COL22A1: variants seen among roughly 807,000 people sequenced by gnomAD.
COL22A1 encodes the protein collagen type XXII alpha 1 chain.
A neutral mutation model predicts 248.9 loss-of-function variants in COL22A1; 221 were observed. The observed-to-expected ratio is 0.89, with a 90% CI of 0.80 to 0.99. The LOEUF is 0.99. COL22A1 is among the 50% of genes least tolerant of loss of function. The probability of loss-of-function intolerance (pLI) is 0.00; values close to 1 mark genes in which losing one functional copy is unlikely to be tolerated. For missense variants in COL22A1, 2,240 were observed against 2,179.0 expected (o/e 1.03, Z -0.56); for synonymous variants, 891 against 793.4 (o/e 1.12, Z -2.07).
chr8:138,761,892 A>G (rs1280872659), intron 17 of COL22A1, among the ~76,000 whole-genome samples: 4 of 152,152 alleles, frequency 2.6e-5, no homozygotes, highest in Non-Finnish European at 5.9e-5. Flanking sequence ...AAGTCACCAG[A>G]TGCATTTTCC....
chr8:138,771,236 T>C (rs908058272), intron 16 of COL22A1, among the ~76,000 whole-genome samples: 3 of 152,148 alleles, frequency 2.0e-5, no homozygotes, highest in Non-Finnish European at 4.4e-5. Context: ...TTCCTGAGCT[T>C]ACCCCAAAGG....
At chr8:138,881,659 T>C (rs534150750) in intron 2 of COL22A1, among the ~76,000 whole-genome samples, 1 of 152,260 alleles carries the variant, frequency 6.6e-6, no homozygotes, top group Non-Finnish European at 1.5e-5. Context: ...CACTCCAGCC[T>C]GGGCGACAGA....
intron 45 of COL22A1, among the ~76,000 whole-genome samples, chr8:138,651,342 T>C (rs1238998348): frequency 6.6e-6 from 1 of 152,236 alleles, no homozygotes; most frequent in Non-Finnish European, 1.5e-5. Context: ...TTATCTTTGC[T>C]TGCCAAATTC....
chr8:138,633,892 G>A (rs1469377102), intron 49 of COL22A1, among the ~76,000 whole-genome samples: 1 of 152,148 alleles, frequency 6.6e-6, no homozygotes, highest in African/African-American at 2.4e-5. Context: ...GGCAGAGTTG[G>A]GCCAGGTAAG....
chr8:138,642,463 G>C (rs1223663286), intron 47 of COL22A1, among the ~76,000 whole-genome samples: 1 of 152,170 alleles, frequency 6.6e-6, no homozygotes, highest in Admixed American at 6.5e-5. Flanking sequence ...CTCATGGTTG[G>C]AGTCACCATC....
At chr8:138,766,078 G>A (rs577359430) in intron 16 of COL22A1, among the ~76,000 whole-genome samples, 22 of 152,332 alleles carry the variant, frequency 1.4e-4, no homozygotes, top group African/African-American at 4.3e-4. Context: ...CCCTAAATCC[G>A]AGTGTGACAT....
At chr8:138,692,935 T>C (rs546952830) in intron 35 of COL22A1, among the ~76,000 whole-genome samples, 12 of 152,226 alleles carry the variant, frequency 7.9e-5, no homozygotes, top group Non-Finnish European at 1.8e-4. Flanking sequence ...ACCCTCTACC[T>C]GGTACAGGGC....
At chr8:138,605,795 T>C (rs911808110) in intron 58 of COL22A1, among the ~76,000 whole-genome samples, 11 of 152,200 alleles carry the variant, frequency 7.2e-5, no homozygotes, top group African/African-American at 2.7e-4. Flanking sequence ...AAGATTACCT[T>C]ACAGCTTCCC....
chr8:138,596,215 T>C (rs1429988622), intron 62 of COL22A1, among the ~76,000 whole-genome samples: 1 of 152,232 alleles, frequency 6.6e-6, no homozygotes, highest in Non-Finnish European at 1.5e-5. Context: ...AAGCATCTGC[T>C]ACGCACAGGC....
At chr8:138,862,759 G>GTTTTTTTTTTTTTT (rs55690333) in intron 3 of COL22A1, among the ~76,000 whole-genome samples, 1 of 145,792 alleles carries the variant, frequency 6.9e-6, no homozygotes, top group Non-Finnish European at 1.5e-5. Context: ...AAGATACAAG[G>GTTTTTTTTTTTTTT]TTTTTTTTTT....
chr8:138,612,791 A>G (rs578098646), intron 56 of COL22A1, among the ~76,000 whole-genome samples: 15 of 151,966 alleles, frequency 9.9e-5, no homozygotes, highest in African/African-American at 3.4e-4. Flanking sequence ...AAAAATAATC[A>G]GCGGCGTGGT....
rs761981157 is a variant in COL22A1 at position 138,635,059 on chromosome 8, T to C, written c.3560A>G (p.His1187Arg). The C allele has an allele frequency of 1.9e-6, 3 of 1,609,060 alleles. No individual in the cohort carries two copies. The South Asian group carries it at 3.3e-5, about 18-fold the overall frequency. Residue 1187 changes from histidine to arginine, a missense_variant, in exon 49 of 65, where the codon CAT becomes CGT. By Grantham distance (29) the His-to-Arg change is conservative. Coordinates refer to ENST00000303045, the MANE Select transcript of COL22A1 (RefSeq NM_152888.3). ...CCCCATGAAACCTGGAACTCCAGGA[T>C]GACCCTAGGAAAACACAAGATGCAA... is the stretch of plus-strand genomic sequence containing the variant. Reference protein sequence around the residue: ...GEVGQKGDQGHPGVPGFMGPP... With the variant: ...GEVGQKGDQGRPGVPGFMGPP...
At chr8:138,733,399 T>C (rs954064261) in intron 23 of COL22A1, among the ~76,000 whole-genome samples, 6 of 152,208 alleles carry the variant, frequency 3.9e-5, no homozygotes, top group Non-Finnish European at 8.8e-5. Flanking sequence ...CTTTGCACGC[T>C]CCAAGATGGC....
intron 27 of COL22A1, 24 bp downstream of exon 27, chr8:138,720,715 G>C: frequency 6.3e-7 from 1 of 1,598,922 alleles, no homozygotes; most frequent in East Asian, 2.2e-5. Flanking sequence ...CAAGCATAAT[G>C]GGAAAAAGAG....
At chr8:138,606,663 T>C (rs768914545) in intron 57 of COL22A1, among the ~76,000 whole-genome samples, 1 of 152,102 alleles carries the variant, frequency 6.6e-6, no homozygotes, top group Non-Finnish European at 1.5e-5. Flanking sequence ...AGATGAGGTC[T>C]CCCTGTAAAC....
In COL22A1 at chr8:138,662,077, G is replaced by A. The variant is rs777279005; in HGVS notation, c.3193C>T (p.Arg1065Ter). ...GGGCCAGGGAATCCAGGTAAGCCTCGTGATCCCTGAAGAAAAAGAAAAGAA... is the reference window on the plus strand; with the variant it reads ...GGGCCAGGGAATCCAGGTAAGCCTCATGATCCCTGAAGAAAAAGAAAAGAA... Reference protein sequence around the residue: ...PPGDKGSPGSRGLPGFPGPQG... With the variant: ...PPGDKGSPGS The change falls in exon 43 of 65, where the codon CGA becomes TGA. Residue 1065 changes from arginine to a stop codon, truncating the protein, a stop_gained. Transcript: ENST00000303045. LOFTEE classifies it high-confidence loss of function. 6.2e-6 allele frequency: 10 copies of A among 1,611,846 alleles called. No homozygotes were observed. Among genetic ancestry groups the A allele is most frequent in the South Asian group, 1.1e-5 (1 of 90,622 alleles).
chr8:138,838,840 G>A (rs1440173816), intron 4 of COL22A1, among the ~76,000 whole-genome samples: 2 of 152,156 alleles, frequency 1.3e-5, no homozygotes, highest in Non-Finnish European at 2.9e-5. Context: ...GAAGCCGCTG[G>A]ACCACGTGGT....
intron 57 of COL22A1, 134 bp downstream of exon 57, chr8:138,607,802 C>T (rs1818542552): frequency 9.3e-6 from 7 of 756,558 alleles, no homozygotes; most frequent in Non-Finnish European, 1.1e-5. Context: ...TACCTCCAAC[C>T]TATTTCTACC....
chr8:138,846,135 A>G (rs938365574), intron 3 of COL22A1, among the ~76,000 whole-genome samples: 2 of 152,194 alleles, frequency 1.3e-5, no homozygotes, highest in African/African-American at 4.8e-5. Context: ...AGCACTACAT[A>G]CAGGAATGGG....
Sources: gnomAD v4.1 joint callset for allele counts (sites outside exome capture counted in the v4.1 genomes callset) on GRCh38, gnomAD v4.1.1 for gene constraint, MANE v1.5 for transcripts, NCBI Gene and HGNC (gene_info 2026-07-23, HGNC 2026-07-21) for gene names.